Variants in IL17B observed in about 807,000 individuals in gnomAD.
IL17B encodes the protein interleukin 17B, also known as interleukin-17B.
Under a neutral mutation model 14.7 loss-of-function variants are expected in IL17B, and 14 were observed. The observed-to-expected ratio is 0.95, with a 90% CI of 0.63 to 1.49. The LOEUF (loss-of-function observed/expected upper bound fraction) is 1.49, where lower values mean the gene tolerates loss of function less well. Among genes scored for constraint, IL17B ranks in the 40% most tolerant of loss-of-function variants. The probability of loss-of-function intolerance (pLI) is 0.00; values close to 1 mark genes in which losing one functional copy is unlikely to be tolerated. For synonymous variants in IL17B, 105 were observed against 94.8 expected (o/e 1.11, Z -0.62); for missense variants, 233 against 252.8 (o/e 0.92, Z 0.53).
intron 1 of IL17B, among the ~76,000 whole-genome samples, chr5:149,377,601 A>C (rs1031060550): frequency 6.6e-6 from 1 of 152,220 alleles, no homozygotes; most frequent in African/African-American, 2.4e-5. Flanking sequence ...CTAAGAAGGA[A>C]GACAGTGAAC....
At chr5:149,393,018 C>T (rs867535387) in intron 1 of IL17B, among the ~76,000 whole-genome samples, 35 of 149,494 alleles carry the variant, frequency 2.3e-4, no homozygotes, top group Admixed American at 8.0e-4. Context: ...TGCATGTCTG[C>T]GTGTGTGTGG....
At position 149,374,572 on chromosome 5, in the gene IL17B, C is replaced by CGGGGATACGGCT; in HGVS notation, c.328_339dup (p.Ser110_Pro113dup). ...AGGCACCGTGCCTCCGGCAGGTCCA[C>CGGGGATACGGCT]GGGGATACGGCTGGGGTCGTGGTTG... On this transcript the variant is annotated inframe_insertion, in exon 3 of 3. Coordinates refer to ENST00000261796, the MANE Select transcript of IL17B (RefSeq NM_014443.3). This position sits in a 1 kb window ranked among gnomAD's most constrained non-coding sequence, Gnocchi z 5.0. 6.2e-7 allele frequency: 1 copy of CGGGGATACGGCT among 1,612,510 alleles called. No homozygotes were observed. The highest frequency in any genetic ancestry group is 1.1e-5 in the South Asian group (1 of 91,050).
chr5:149,377,872 G>A (rs1284456721), intron 1 of IL17B, among the ~76,000 whole-genome samples: 8 of 152,206 alleles, frequency 5.3e-5, no homozygotes, highest in East Asian at 1.9e-4. Context: ...GGCCGGGCGT[G>A]GTGGCTCACA....
chr5:149,392,939 CGTGTGTGCGTGCGTGT>C (rs1759007048), intron 1 of IL17B, among the ~76,000 whole-genome samples: 1 of 150,248 alleles, frequency 6.7e-6, no homozygotes, highest in East Asian at 2.0e-4. Flanking sequence ...TGTGTACGTG[CGTGTGTGCGTGCGTGT>C]GTGCGTGTGT....
chr5:149,400,072 C>G (rs1759177111), intron 1 of IL17B, among the ~76,000 whole-genome samples: 1 of 152,104 alleles, frequency 6.6e-6, no homozygotes, highest in African/African-American at 2.4e-5. Flanking sequence ...GTCCCCCCTC[C>G]CCAAATTTCT....
chr5:149,374,449 G>T lies in IL17B; in HGVS notation c.463C>A (p.Pro155Thr). 6.2e-7 allele frequency: 1 copy of T among 1,610,906 alleles called. No individual in the cohort carries two copies. Residue 155 changes from proline (P) to threonine (T), a missense_variant, in exon 3 of 3, where the codon CCG becomes ACG. Transcript: ENST00000261796. The surrounding 1 kb of genome is among the most constrained non-coding windows in gnomAD (Gnocchi z 5.0). ...CAAGGCCCTGTGCGGGGCGGTGGCG[G>T]GCAGAGGCGGCGGCGCACAGGAACC... ...SQVPVRRRLCPPPPRTGPCRQ... is the reference protein window; with the variant it reads ...SQVPVRRRLCTPPPRTGPCRQ...
chr5:149,376,584 G>A (rs1285849180), intron 2 of IL17B, 152 bp downstream of exon 2: 15 of 952,396 alleles, frequency 1.6e-5, no homozygotes, highest in Non-Finnish European at 2.1e-5. Flanking sequence ...TAATCCATTT[G>A]CCCAAAGCCT....
intron 1 of IL17B, among the ~76,000 whole-genome samples, chr5:149,403,425 T>C (rs1561720798): frequency 6.6e-6 from 1 of 151,960 alleles, no homozygotes; most frequent in Non-Finnish European, 1.5e-5. Flanking sequence ...TTTGAGAAAA[T>C]GGTTGGATTG....
intron 1 of IL17B, among the ~76,000 whole-genome samples, chr5:149,391,908 T>A (rs1054758352): frequency 2.6e-5 from 4 of 152,178 alleles, no homozygotes; most frequent in African/African-American, 9.7e-5. Flanking sequence ...CTCCTACAGT[T>A]CCCAGGCCTC....
intron 2 of IL17B, among the ~76,000 whole-genome samples, chr5:149,376,109 T>C (rs1758523436): frequency 1.3e-5 from 2 of 152,318 alleles, no homozygotes; most frequent in East Asian, 3.9e-4. Context: ...TTCCTTCATC[T>C]TTGGTCCTTA....
At chr5:149,392,867 T>C (rs1350940061) in intron 1 of IL17B, among the ~76,000 whole-genome samples, 2 of 152,200 alleles carry the variant, frequency 1.3e-5, no homozygotes, top group Admixed American at 6.5e-5. Flanking sequence ...GTGAGTCATG[T>C]CTTACCCTCT....
intron 1 of IL17B, among the ~76,000 whole-genome samples, chr5:149,377,971 G>A (rs1758589999): frequency 6.6e-6 from 1 of 151,986 alleles, no homozygotes; most frequent in Non-Finnish European, 1.5e-5. Flanking sequence ...GTGAAACCCC[G>A]TCTCTACTAA....
intron 1 of IL17B, among the ~76,000 whole-genome samples, chr5:149,397,585 A>G (rs540590942): frequency 6.6e-6 from 1 of 152,348 alleles, no homozygotes; most frequent in South Asian, 2.1e-4. Context: ...AACACAATAA[A>G]AAGAAATGCT....
chr5:149,387,407 C>T (rs1041480457), intron 1 of IL17B, among the ~76,000 whole-genome samples: 1 of 152,154 alleles, frequency 6.6e-6, no homozygotes, highest in Non-Finnish European at 1.5e-5. Flanking sequence ...CAGCCAAGGA[C>T]CCACGCAGAT....
Position 149,379,279 on chromosome 5 carries a change from G to A in IL17B, c.-54C>T. The stretch of plus-strand genomic sequence containing the variant: ...CTGCTGCCCGCCTGGAACCCCAGAT[G>A]CCGCCGAGAGAATGGCAGCAACAGG... On this transcript the variant is annotated 5_prime_UTR_variant, in exon 1 of 3. Coordinates refer to ENST00000261796, the MANE Select transcript of IL17B (RefSeq NM_014443.3). 6.2e-7 allele frequency: 1 copy of A among 1,610,154 alleles called. No homozygotes were observed.
chr5:149,389,172 C>CT (rs1758889321), intron 1 of IL17B, among the ~76,000 whole-genome samples: 1 of 152,220 alleles, frequency 6.6e-6, no homozygotes, highest in Admixed American at 6.5e-5. Flanking sequence ...AAGGAATTGT[C>CT]TCTTCCTAAT....
chr5:149,400,580 A>T (rs1358065312), intron 1 of IL17B, among the ~76,000 whole-genome samples: 2 of 152,214 alleles, frequency 1.3e-5, no homozygotes, highest in Non-Finnish European at 2.9e-5. Flanking sequence ...TATTCTTCAC[A>T]TGACAGTGGA....
At chr5:149,377,525 C>T (rs1309159357) in intron 1 of IL17B, among the ~76,000 whole-genome samples, 1 of 152,252 alleles carries the variant, frequency 6.6e-6, no homozygotes, top group Non-Finnish European at 1.5e-5. Context: ...CTGCGTGATG[C>T]ATTCAGTGAA....
intron 1 of IL17B, among the ~76,000 whole-genome samples, chr5:149,394,708 G>T (rs934481732): frequency 6.6e-6 from 1 of 152,142 alleles, no homozygotes; most frequent in Admixed American, 6.5e-5. Flanking sequence ...ATATTTTGAC[G>T]TCTTGCATAA....
Sources: allele counts gnomAD v4.1 joint callset (sites outside exome capture counted in the v4.1 genomes callset), GRCh38; gene constraint gnomAD v4.1.1; non-coding constraint Gnocchi (gnomAD v3.1); transcripts MANE v1.5; gene names NCBI Gene and HGNC (gene_info 2026-07-23, HGNC 2026-07-21).